The following MUC3A variants were observed in gnomAD, a reference collection of about 807,000 sequenced individuals.
MUC3A encodes the protein mucin 3A, cell surface associated, also known as mucin-3A.
Under a neutral mutation model 109.0 loss-of-function variants are expected in MUC3A, and 109 were observed. The ratio of observed to expected loss-of-function variants is 1.00; its 90% CI spans 0.86 to 1.17. The LOEUF is 1.17. MUC3A is among the 50% of genes most tolerant of loss of function. MUC3A has a pLI of 0.00. For synonymous variants in MUC3A, 1,398 were observed against 981.4 expected, an observed-to-expected ratio of 1.42 and a Z score of -7.93; for missense variants, 3,537 against 2,469.4, an observed-to-expected ratio of 1.43 and a Z score of -9.16.
chr7:100,955,892 CTT>C lies in MUC3A; in HGVS notation c.4116_4117del (p.Ser1373TyrfsTer38), dbSNP rs1792082697. The part of the protein sequence containing the change: ...ETTTLTPTTD[F>X]STESLTTAMT... Reference sequence around the variant, plus strand: ...CCACCACACTGACTCCTACAACTGACTTTTCTACAGAATCTCTCACAACAGCC... The same window carrying C: ...CCACCACACTGACTCCTACAACTGACTTCTACAGAATCTCTCACAACAGCC... On this transcript the variant is annotated frameshift_variant, in exon 2 of 12. Transcript: ENST00000379458. LOFTEE classifies it high-confidence loss of function. The C allele has an allele frequency of 6.2e-6, 3 of 483,490 alleles. No individual in the cohort carries two copies. The allele number at this position is 483,490 out of a possible 1,614,324, so 29.9% of individuals were successfully genotyped here.
Position 100,956,520 on chromosome 7 carries a change from C to T in MUC3A, c.4741C>T (p.Pro1581Ser), listed in dbSNP as rs1171740405. 3 of 357,170 alleles carry T rather than the reference C, an allele frequency of 8.4e-6. No individual in the cohort carries two copies. Among genetic ancestry groups the T allele is most frequent in the Non-Finnish European group, 1.4e-5 (3 of 215,724 alleles). The allele number at this position is 357,170 out of a possible 1,614,324, so 22.1% of individuals were successfully genotyped here. A position where few individuals can be genotyped will look rare whatever the true frequency, so the allele number is the denominator to read the frequency against. Residue 1581 changes from proline (P) to serine (S), a missense_variant, in exon 2 of 12, where the codon CCC becomes TCC. By Grantham distance (74) the Pro-to-Ser change is moderately conservative (BLOSUM62 -1). Coordinates refer to ENST00000379458, the MANE Select transcript of MUC3A (RefSeq NM_005960.2). ...TACCTCACAACCAACAACTATTACT[C>T]CCTCATCCGTGGGCATCAGTGGTTC... ...IPTSQPTTIT[P>S]SSVGISGSLP...
Position 100,965,722 on chromosome 7 carries a change from C to A in MUC3A, c.9467C>A (p.Ala3156Asp). 1 of 1,597,728 alleles carries A rather than the reference C, an allele frequency of 6.3e-7. No individual in the cohort carries two copies. The highest frequency in any genetic ancestry group is 8.5e-7 in the Non-Finnish European group (1 of 1,179,354). ...CCCCCAGCCATCTGCCGCCGCGCCG[C>A]TCCCACGGGCTATGAAGAGTTCTAC... ...LTPAAICRRA[A>D]PTGYEEFYFP... The change falls in exon 8 of 12, where the codon GCT (alanine) becomes GAT (aspartate). Residue 3156 changes from alanine to aspartate, a missense_variant. Transcript: ENST00000379458.
chr7:100,962,297 G>A (rs1250120441), intron 3 of MUC3A, among the ~76,000 whole-genome samples: 1 of 151,956 alleles, frequency 6.6e-6, no homozygotes, highest in East Asian at 1.9e-4. Flanking sequence ...TCATGCCTGT[G>A]GTCCCAGTTA....
In MUC3A at chr7:100,952,034, A is replaced by C; in HGVS notation, c.255A>C (p.Thr85=). 6.3e-7 allele frequency: 1 copy of C among 1,598,658 alleles called. No individual in the cohort carries two copies. The stretch of plus-strand genomic sequence containing the variant: ...CACTCACTACCTCCCCCCATGACAC[A>C]CTCATCTCTGAAACATTGCTCAACT... ...PMTLTTSPHD[T]LISETLLNSP... Residue 85 remains threonine (T), a synonymous_variant, in exon 2 of 12, where the codon ACA becomes ACC. Coordinates refer to ENST00000379458, the MANE Select transcript of MUC3A (RefSeq NM_005960.2).
At position 100,966,923 on chromosome 7, in the gene MUC3A, C is replaced by T. The variant is rs146817925; in HGVS notation, c.9902C>T (p.Ala3301Val). 1.9e-4 allele frequency: 302 copies of T among 1,598,388 alleles called. No homozygotes were observed. The African/African-American group carries it at 3.7e-3, about 20-fold the overall frequency. The change falls in exon 11 of 12, where the codon GCC becomes GTC. Residue 3301 changes from alanine (A) to valine (V), a missense_variant. Ala to Val is a moderately conservative substitution (Grantham distance 64). Transcript: ENST00000379458. ...GACAAGGATACAAATTTCTATGTGG[C>T]CTTGGAGAACGTGGACACCACTATG... is the stretch of plus-strand genomic sequence containing the variant. ...GTDKDTNFYVALENVDTTMKV... is the reference protein window; with the variant it reads ...GTDKDTNFYVVLENVDTTMKV...
At position 100,960,922 on chromosome 7, in the gene MUC3A, G is replaced by A. The variant is rs1440221801; in HGVS notation, c.9037G>A (p.Glu3013Lys). The A allele has an allele frequency of 5.6e-6, 9 of 1,598,418 alleles. No homozygotes were observed. In the East Asian group the frequency reaches 1.6e-4, roughly 28 times the overall value. ...TGGTTCCAGTTGTGAGTTTGCTGTG[G>A]AACAGGTGGATCTAGGTGAGTTGCC... The part of the protein sequence containing the change: ...FYGSSCEFAV[E>K]QVDLDVVETE... The change falls in exon 3 of 12, where the codon GAA becomes AAA. Residue 3013 changes from glutamate (E) to lysine (K), a missense_variant. Glu to Lys is a moderately conservative substitution (Grantham distance 56). Transcript: ENST00000379458.
chr7:100,966,058 G>T (rs1792531315), intron 8 of MUC3A, 192 bp downstream of exon 8: 4 of 551,582 alleles, frequency 7.3e-6, no homozygotes, highest in Admixed American at 1.5e-4. Flanking sequence ...CTTTGATGGG[G>T]TTGAGTCCTG....
chr7:100,967,026 G>C, intron 11 of MUC3A, 75 bp downstream of exon 11: 1 of 1,598,482 alleles, frequency 6.3e-7, no homozygotes, highest in Non-Finnish European at 8.5e-7. Flanking sequence ...ACCCCCACCA[G>C]GGCAGGGAGG....
rs1792044209 is a variant in MUC3A, at chr7:100,954,213, T to A, written c.2434T>A (p.Ser812Thr). Reference protein sequence around the residue: ...TMVTSTSMISSTVSTGIPTSQ... With the variant: ...TMVTSTSMISTTVSTGIPTSQ... ...GGTAACTTCTACATCCATGATCTCA[T>A]CTACTGTGAGTACAGGTATCCCTAC... The change falls in exon 2 of 12, where the codon TCT (serine) becomes ACT (threonine). Residue 812 changes from serine (S) to threonine (T), a missense_variant. Coordinates refer to ENST00000379458, the MANE Select transcript of MUC3A (RefSeq NM_005960.2). 1 of 503,000 alleles carries A rather than the reference T, an allele frequency of 2.0e-6. No individual in the cohort carries two copies. The highest frequency in any genetic ancestry group is 2.0e-5 in the African/African-American group (1 of 50,692). The allele number at this position is 503,000 out of a possible 1,614,324, so 31.2% of individuals were successfully genotyped here. A position where few individuals can be genotyped will look rare whatever the true frequency, so the allele number is the denominator to read the frequency against.
rs1251633936 is a variant in MUC3A, at chr7:100,959,667, C to T, written c.7888C>T (p.Pro2630Ser). 2 of 1,598,408 alleles carry T rather than the reference C, an allele frequency of 1.3e-6. No homozygotes were observed. The highest frequency in any genetic ancestry group is 1.3e-5 in the African/African-American group (1 of 74,962). ...LSTIVSTSQV[P>S]IPSTHSSTLQ... ...CACGATCGTGTCAACATCACAGGTT[C>T]CTATTCCTAGCACACATTCCTCCAC... Residue 2630 changes from proline (P) to serine (S), a missense_variant, in exon 2 of 12, where the codon CCT becomes TCT. By Grantham distance (74) the Pro-to-Ser change is moderately conservative (BLOSUM62 -1). Coordinates refer to ENST00000379458, the MANE Select transcript of MUC3A (RefSeq NM_005960.2).
chr7:100,960,774 C>T lies in MUC3A; in HGVS notation c.8889C>T (p.Thr2963=), dbSNP rs373583000. The T allele has an allele frequency of 1.3e-6, 2 of 1,598,154 alleles. No individual in the cohort carries two copies. Among genetic ancestry groups the T allele is most frequent in the Non-Finnish European group, 8.5e-7 (1 of 1,179,592 alleles). The change falls in exon 3 of 12, where the codon ACC becomes ACT. Residue 2963 remains threonine, a synonymous_variant. Transcript: ENST00000379458. ...TTAGTCDNGG[T]WEQGQCACLP... Reference sequence around the variant, plus strand: ...CAGGCACCTGTGACAATGGTGGCACCTGGGAACAGGGCCAGTGTGCTTGCC... The same window carrying T: ...CAGGCACCTGTGACAATGGTGGCACTTGGGAACAGGGCCAGTGTGCTTGCC...
chr7:100,967,624 C>T lies in MUC3A; in HGVS notation c.*462C>T. 1.1e-5 allele frequency: 3 copies of T among 278,652 alleles called. No individual in the cohort carries two copies. In the South Asian group the frequency reaches 1.7e-4, roughly 16 times the overall value. The allele number at this position is 278,652 out of a possible 1,614,324, so 17.3% of individuals were successfully genotyped here. A position where few individuals can be genotyped will look rare whatever the true frequency, so the allele number is the denominator to read the frequency against. ...TCTCTCAATTCCCTACTGCCTGTTT[C>T]TTACTTTGAACCTGGAGGCAGCCTG... On this transcript the variant is annotated 3_prime_UTR_variant, in exon 12 of 12. Transcript: ENST00000379458.
At chr7:100,965,482 CTGGCGCTGGTTAG>C (rs1202072077) in intron 7 of MUC3A, 135 bp downstream of exon 7, 13 of 1,470,748 alleles carry the variant, frequency 8.8e-6, no homozygotes, top group Non-Finnish European at 1.1e-5. Flanking sequence ...GCGGCCCTTC[CTGGCGCTGGTTAG>C]TGGCTTCCAC....
chr7:100,950,419 G>A (rs1462546447), intron 1 of MUC3A, among the ~76,000 whole-genome samples: 4 of 152,184 alleles, frequency 2.6e-5, no homozygotes, highest in Non-Finnish European at 5.9e-5. Context: ...TCTGATCCCC[G>A]ATCCCAGGCC....
rs2116187366 is a variant in MUC3A, at chr7:100,958,563, A to T, written c.6784A>T (p.Thr2262Ser). Residue 2262 changes from threonine to serine, a missense_variant, in exon 2 of 12, where the codon ACC (threonine) becomes TCC (serine). Thr to Ser is a moderately conservative substitution (Grantham distance 58, BLOSUM62 1). Transcript: ENST00000379458. Reference sequence around the variant, plus strand: ...TCCCAGCTTCACTTCTTCGATCACCACCACTGAGACCACCTCACATGATAC... The same window carrying T: ...TCCCAGCTTCACTTCTTCGATCACCTCCACTGAGACCACCTCACATGATAC... ...STPSFTSSIT[T>S]TETTSHDTPS... The T allele has an allele frequency of 2.1e-6, 3 of 1,409,546 alleles. No homozygotes were observed. In the East Asian group the frequency reaches 6.8e-5, roughly 32 times the overall value. 87.3% of individuals were successfully genotyped at this position (1,409,546 alleles called of 1,614,324 possible). A position where few individuals can be genotyped will look rare whatever the true frequency, so the allele number is the denominator to read the frequency against.
chr7:100,968,042 CT>C lies in MUC3A; in HGVS notation c.*881del, dbSNP rs1444608177. ...TATTCTCCACCCCTTTCTCTCACCC[CT>C]GGAGCCCTGCGGGTGGGGGCAGGGC... On this transcript the variant is annotated 3_prime_UTR_variant, in exon 12 of 12. Coordinates refer to ENST00000379458, the MANE Select transcript of MUC3A (RefSeq NM_005960.2). 1 of 83,496 alleles carries C rather than the reference CT, an allele frequency of 1.2e-5. No homozygotes were observed. The highest frequency in any genetic ancestry group is 4.3e-5 in the African/African-American group (1 of 23,416). 5.2% of individuals were successfully genotyped at this position (83,496 alleles called of 1,614,324 possible). A position where few individuals can be genotyped will look rare whatever the true frequency, so the allele number is the denominator to read the frequency against.
At chr7:100,961,878 AG>A in intron 3 of MUC3A, among the ~76,000 whole-genome samples, 1 of 152,400 alleles carries the variant, frequency 6.6e-6, no homozygotes, top group South Asian at 2.1e-4. Flanking sequence ...AAGGCCGAGG[AG>A]GGAGTATCGC....
Position 100,960,161 on chromosome 7 carries a change from A to T in MUC3A, c.8382A>T (p.Glu2794Asp). ...GTGTTGAAATGGATCCCAGCACTGA[A>T]GCTACTTCTCCTCCCACCACCCCAT... is the stretch of plus-strand genomic sequence containing the variant. ...DPCVEMDPST[E>D]ATSPPTTPLT... The change falls in exon 2 of 12, where the codon GAA becomes GAT. Residue 2794 changes from glutamate (E) to aspartate (D), a missense_variant. Glu to Asp is a conservative substitution (Grantham distance 45). Transcript: ENST00000379458. 6.4e-7 allele frequency: 1 copy of T among 1,569,258 alleles called. No homozygotes were observed. Among genetic ancestry groups the T allele is most frequent in the East Asian group, 2.2e-5 (1 of 44,648 alleles).
chr7:100,952,981 G>GCTTCT lies in MUC3A; in HGVS notation c.1207_1211dup (p.Ser405LeufsTer27). Reference sequence around the variant, plus strand: ...GAGATCTCCTCCCACAGTACTCCCAGCTTCTCTTCATCAACCATCTACTCC... The same window carrying GCTTCT: ...GAGATCTCCTCCCACAGTACTCCCAGCTTCTCTTCTCTTCATCAACCATCTACTCC... On this transcript the variant is annotated frameshift_variant, in exon 2 of 12. Transcript: ENST00000379458. LOFTEE classifies it high-confidence loss of function. 1.4e-6 allele frequency: 2 copies of GCTTCT among 1,444,850 alleles called. No individual in the cohort carries two copies. Among genetic ancestry groups the GCTTCT allele is most frequent in the Non-Finnish European group, 9.1e-7 (1 of 1,103,544 alleles). The allele number at this position is 1,444,850 out of a possible 1,614,324, so 89.5% of individuals were successfully genotyped here. A position where few individuals can be genotyped will look rare whatever the true frequency, so the allele number is the denominator to read the frequency against.
Sources: gnomAD v4.1 joint callset for allele counts (sites outside exome capture counted in the v4.1 genomes callset) on GRCh38, gnomAD v4.1.1 for gene constraint, MANE v1.5 for transcripts, NCBI Gene and HGNC (gene_info 2026-07-23, HGNC 2026-07-21) for gene names.